Variants in MKLN1 observed in about 807,000 individuals in gnomAD.
MKLN1 encodes muskelin.
In MKLN1, 18 loss-of-function variants were observed where a neutral mutation model predicts 99.0. The ratio of observed to expected loss-of-function variants is 0.18; its 90% confidence interval spans 0.13 to 0.27. The LOEUF (loss-of-function observed/expected upper bound fraction) is 0.27. Ranked by LOEUF, MKLN1 falls within the 10% of genes least tolerant of loss-of-function variation. The pLI is 1.00. For synonymous variants in MKLN1, 288 were observed against 293.2 expected, an observed-to-expected ratio of 0.98 and a Z score of 0.18; for missense variants, 621 against 875.9, an observed-to-expected ratio of 0.71 and a Z score of 3.67.
At chr7:131,231,269 G>C (rs1473118936) in intron 3 of MKLN1, among the ~76,000 whole-genome samples, 1 of 152,074 alleles carries the variant, frequency 6.6e-6, no homozygotes. Flanking sequence ...TGATACTTAG[G>C]AACTGAGTCT....
chr7:131,452,844 C>T (rs1405951915), intron 12 of MKLN1, among the ~76,000 whole-genome samples: 7 of 152,122 alleles, frequency 4.6e-5, no homozygotes, highest in South Asian at 2.1e-4. Flanking sequence ...CCACTGCACC[C>T]GGCCGATCCT....
chr7:131,232,788 G>A (rs1341689553), intron 3 of MKLN1, among the ~76,000 whole-genome samples: 4 of 152,142 alleles, frequency 2.6e-5, no homozygotes. Context: ...GGTTGAGATT[G>A]AAGTGAGCTA....
chr7:131,484,310 G>A (rs1797211068), intron 17 of MKLN1, among the ~76,000 whole-genome samples: 1 of 152,110 alleles, frequency 6.6e-6, no homozygotes, highest in African/African-American at 2.4e-5. Context: ...AAATTAAAGG[G>A]CTTTGGAGTC....
At chr7:131,473,029 T>C (rs1201357030) in intron 16 of MKLN1, among the ~76,000 whole-genome samples, 1 of 148,610 alleles carries the variant, frequency 6.7e-6, no homozygotes, top group Non-Finnish European at 1.5e-5. Flanking sequence ...GAACAGAAAA[T>C]AGAAAACATT....
chr7:131,383,734 G>C (rs1793919407), intron 2 of MKLN1, among the ~76,000 whole-genome samples: 1 of 151,992 alleles, frequency 6.6e-6, no homozygotes, highest in African/African-American at 2.4e-5. Flanking sequence ...CATCCTTAAT[G>C]CCTCCCTCTT....
chr7:131,463,452 T>G (rs1344243310), intron 13 of MKLN1, 88 bp downstream of exon 13: 2 of 1,310,004 alleles, frequency 1.5e-6, no homozygotes, highest in African/African-American at 1.5e-5. Flanking sequence ...ATGAGAGTAT[T>G]ACGTTAATTT....
chr7:131,188,539 C>T (rs1010875385), intron 2 of MKLN1, among the ~76,000 whole-genome samples: 8 of 152,168 alleles, frequency 5.3e-5, no homozygotes, highest in Non-Finnish European at 5.9e-5. Context: ...TGGACTTGTT[C>T]GCATAGCCCT....
chr7:131,290,657 T>G (rs1344328642), intron 3 of MKLN1, among the ~76,000 whole-genome samples: 2 of 152,260 alleles, frequency 1.3e-5, no homozygotes, highest in African/African-American at 4.8e-5. Context: ...GTTGTTCTTT[T>G]AAGTTGAATA....
chr7:131,416,067 A>G (rs1226827917), intron 8 of MKLN1, among the ~76,000 whole-genome samples: 1 of 152,132 alleles, frequency 6.6e-6, no homozygotes, highest in Non-Finnish European at 1.5e-5. Context: ...AAGTGCTTGT[A>G]TTACAGGTGT....
chr7:131,254,944 C>T (rs752304123), intron 3 of MKLN1, among the ~76,000 whole-genome samples: 2 of 151,478 alleles, frequency 1.3e-5, no homozygotes, highest in Non-Finnish European at 2.9e-5. Flanking sequence ...CAGGCTGGAG[C>T]GCAGTGGCAC....
chr7:131,444,110 A>G (rs1795924741), intron 11 of MKLN1, among the ~76,000 whole-genome samples: 1 of 152,018 alleles, frequency 6.6e-6, no homozygotes, highest in African/African-American at 2.4e-5. Context: ...TGTATCAGCA[A>G]TGGTCAGGAG....
chr7:131,481,597 A>T (rs554268655), intron 17 of MKLN1, among the ~76,000 whole-genome samples: 72 of 152,240 alleles, frequency 4.7e-4, no homozygotes, highest in African/African-American at 1.6e-3. Flanking sequence ...GCAAATTCAG[A>T]TTGTATGCTA....
At position 131,375,493 on chromosome 7, in the gene MKLN1, G is replaced by T; in HGVS notation, c.168G>T (p.Gln56His). The change falls in exon 2 of 18, where the codon CAG becomes CAT. Residue 56 changes from glutamine to histidine, a missense_variant and splice_region_variant. Coordinates refer to ENST00000352689, the MANE Select transcript of MKLN1 (RefSeq NM_013255.5). ...RWSSESNYPPQYLILKLERPA... is the reference protein window; with the variant it reads ...RWSSESNYPPHYLILKLERPA... The stretch of plus-strand genomic sequence containing the variant: ...CTTCAGAGAGCAACTATCCTCCCCA[G>T]GTAAGATTACATGTATCCCTTAATG... The T allele has an allele frequency of 6.3e-7, 1 of 1,596,236 alleles. No homozygotes were observed. The highest frequency in any genetic ancestry group is 8.6e-7 in the Non-Finnish European group (1 of 1,164,092).
At chr7:131,217,423 C>T (rs1025904143) in intron 3 of MKLN1, among the ~76,000 whole-genome samples, 7 of 152,230 alleles carry the variant, frequency 4.6e-5, no homozygotes, top group African/African-American at 1.7e-4. Context: ...ATAGCTTGGG[C>T]ACAGTGGCTC....
intron 3 of MKLN1, among the ~76,000 whole-genome samples, chr7:131,247,119 A>G (rs759206213): frequency 2.6e-5 from 4 of 152,150 alleles, no homozygotes; most frequent in Non-Finnish European, 4.4e-5. Context: ...AACAAACACT[A>G]TGGAGCACTT....
rs779312882 is a variant in MKLN1, at chr7:131,400,509, T to TA, written c.703+1086dup. On this transcript the variant is annotated intron_variant, in intron 6 of 17. Transcript: ENST00000352689. ...TTAACAGACTTTAAAATGCTACCAA[T>TA]AAAAAAAAAATATATATATATATAT... Among the ~76,000 whole-genome samples the TA allele has an allele frequency of 6.0e-3, 798 of 133,124 alleles. 8 individuals carry two copies. The highest frequency in any genetic ancestry group is 0.017 in the East Asian group (83 of 4,894). 87.3% of individuals were successfully genotyped at this position (133,124 alleles called of 152,430 possible).
intron 12 of MKLN1, among the ~76,000 whole-genome samples, chr7:131,450,054 A>T (rs1796134364): frequency 6.6e-6 from 1 of 152,146 alleles, no homozygotes. Flanking sequence ...ACATCAAGTC[A>T]TGCCAATTTT....
At chr7:131,214,234 C>T (rs921444880) in intron 3 of MKLN1, among the ~76,000 whole-genome samples, 20 of 152,256 alleles carry the variant, frequency 1.3e-4, no homozygotes, top group African/African-American at 4.8e-4. Flanking sequence ...TTCATGGGTC[C>T]TCTGCCATAG....
In MKLN1 at chr7:131,132,981, A is replaced by AAGAAAGAAAGAAAGAAAGAC; in HGVS notation, c.-418-9838_-418-9837insGAAAGAAAGAAAGAAAGACA. ...AAAGAAAGAAAGAAAGAAAGAAAGA[A>AAGAAAGAAAGAAAGAAAGAC]AAACCAGAGCATGACTGTGCCTTGC... is the stretch of plus-strand genomic sequence containing the variant. On this transcript the variant is annotated intron_variant, in intron 1 of 7. Transcript: ENST00000416992. Among the ~76,000 whole-genome samples, 2 of 143,914 alleles carry AAGAAAGAAAGAAAGAAAGAC rather than the reference A, an allele frequency of 1.4e-5. 1 individual carries two copies. The highest frequency in any genetic ancestry group is 5.2e-5 in the African/African-American group (2 of 38,186). The allele number at this position is 143,914 out of a possible 152,430, so 94.4% of individuals were successfully genotyped here. A position where few individuals can be genotyped will look rare whatever the true frequency, so the allele number is the denominator to read the frequency against.
Sources: allele counts gnomAD v4.1 joint callset (sites outside exome capture counted in the v4.1 genomes callset), GRCh38; gene constraint gnomAD v4.1.1; transcripts MANE v1.5; gene names NCBI Gene and HGNC (gene_info 2026-07-23, HGNC 2026-07-21).